Variants in CALCR observed in about 807,000 individuals in gnomAD.
CALCR encodes the protein calcitonin receptor.
CALCR carries 47 observed loss-of-function variants against 59.5 expected under a neutral mutation model. The ratio of observed to expected loss-of-function variants is 0.79; its 90% CI spans 0.63 to 1.01. The LOEUF is 1.01. CALCR is among the 50% of genes least tolerant of loss of function. The pLI, the probability that CALCR is intolerant of heterozygous loss-of-function variation, is 0.00. For missense variants in CALCR, 566 were observed against 597.1 expected (o/e 0.95, Z 0.54); for synonymous variants, 213 against 211.3 (o/e 1.01, Z -0.07).
intron 13 of CALCR, among the ~76,000 whole-genome samples, chr7:93,428,348 AAGCCACAGTACCAAGCAG>A (rs751703746): frequency 2.0e-5 from 3 of 152,224 alleles, no homozygotes; most frequent in Non-Finnish European, 2.9e-5. Flanking sequence ...GAATGTGGCA[AAGCCACAGTACCAAGCAG>A]AGCCTGGCTT....
intron 2 of CALCR, among the ~76,000 whole-genome samples, chr7:93,532,410 G>C (rs938802534): frequency 1.3e-5 from 2 of 152,042 alleles, no homozygotes; most frequent in African/African-American, 2.4e-5. Flanking sequence ...GCTGATGTTT[G>C]CTGCTCCTCT....
chr7:93,461,082 T>C lies in CALCR; in HGVS notation c.522-135A>G, dbSNP rs1800326440. 3 of 676,592 alleles carry C rather than the reference T, an allele frequency of 4.4e-6. No individual in the cohort carries two copies. The Admixed American group carries it at 1.1e-4, about 24-fold the overall frequency. 41.9% of individuals were successfully genotyped at this position (676,592 alleles called of 1,614,324 possible). A position where few individuals can be genotyped will look rare whatever the true frequency, so the allele number is the denominator to read the frequency against. On this transcript the variant is annotated intron_variant, in intron 7 of 13. Transcript: ENST00000426151. ...AACATATAGAAGAAAGTAAGGCTGG[T>C]CTCCTCTTTCAGATTTATTCCTACT...
At chr7:93,511,708 A>G (rs1801551312) in intron 2 of CALCR, among the ~76,000 whole-genome samples, 1 of 152,194 alleles carries the variant, frequency 6.6e-6, no homozygotes, top group South Asian at 2.1e-4. Flanking sequence ...GTTACAGAAA[A>G]TGATGAATAC....
intron 2 of CALCR, among the ~76,000 whole-genome samples, chr7:93,534,218 AG>A (rs1788925342): frequency 6.6e-6 from 1 of 151,828 alleles, no homozygotes; most frequent in Admixed American, 6.6e-5. Context: ...AATAGCCCTA[AG>A]AAGTATGTAT....
chr7:93,548,366 C>T lies in CALCR; in HGVS notation c.-27+25923G>A, dbSNP rs570929561. ...TGTGCAAGTCTGGTGGTTTCCAGTT[C>T]TTTGCTTTCAACAACATTGTAGGAG... is the stretch of plus-strand genomic sequence containing the variant. On this transcript the variant is annotated intron_variant, in intron 2 of 13. Coordinates refer to ENST00000426151, the MANE Select transcript of CALCR (RefSeq NM_001742.4). Among the ~76,000 whole-genome samples the T allele has an allele frequency of 6.3e-4, 96 of 152,228 alleles. No homozygotes were observed. In the South Asian group the frequency reaches 9.5e-3, roughly 15 times the overall value.
At chr7:93,473,136 G>A (rs972271525) in intron 5 of CALCR, among the ~76,000 whole-genome samples, 7 of 151,838 alleles carry the variant, frequency 4.6e-5, no homozygotes, top group Non-Finnish European at 1.0e-4. Context: ...AGCCTTTAAT[G>A]TTGACTTTTT....
intron 11 of CALCR, 116 bp from the exon 12 acceptor site, chr7:93,436,286 TGA>T (rs1799776971): frequency 1.2e-6 from 1 of 806,200 alleles, no homozygotes; most frequent in South Asian, 1.7e-5. Context: ...ACATAGAACA[TGA>T]GAGTCTACCT....
chr7:93,426,227 C>T lies in CALCR; in HGVS notation c.*129G>A. 3.1e-6 allele frequency: 2 copies of T among 643,260 alleles called. No homozygotes were observed. Among genetic ancestry groups the T allele is most frequent in the Admixed American group, 5.2e-5 (2 of 38,664 alleles). The allele number at this position is 643,260 out of a possible 1,614,324, so 39.8% of individuals were successfully genotyped here. A position where few individuals can be genotyped will look rare whatever the true frequency, so the allele number is the denominator to read the frequency against. On this transcript the variant is annotated 3_prime_UTR_variant, in exon 14 of 14. Transcript: ENST00000426151. ...TAACTTTCTTCAGATTTACAATGGA[C>T]AAATTCACTGAATAATTCTTCACAA...
At chr7:93,487,200 T>C (rs1800965457) in intron 2 of CALCR, among the ~76,000 whole-genome samples, 193 bp from the exon 3 acceptor site, 1 of 151,328 alleles carries the variant, frequency 6.6e-6, no homozygotes, top group African/African-American at 2.4e-5. Flanking sequence ...TCCTGTCAAC[T>C]AGATTGTTAT....
chr7:93,555,250 T>C (rs1789567713), intron 2 of CALCR, among the ~76,000 whole-genome samples: 1 of 152,076 alleles, frequency 6.6e-6, no homozygotes, highest in South Asian at 2.1e-4. Context: ...CAGGGTTTGA[T>C]AGTTGGAAGG....
intron 2 of CALCR, among the ~76,000 whole-genome samples, chr7:93,499,940 T>C (rs1801287328): frequency 6.6e-6 from 1 of 151,918 alleles, no homozygotes; most frequent in African/African-American, 2.4e-5. Flanking sequence ...CAAAATATCA[T>C]CTTGTCCTTA....
At position 93,426,087 on chromosome 7, in the gene CALCR, C is replaced by T. The variant is rs1799520009; in HGVS notation, c.*269G>A. On this transcript the variant is annotated 3_prime_UTR_variant, in exon 14 of 14. Coordinates refer to ENST00000426151, the MANE Select transcript of CALCR (RefSeq NM_001742.4). ...TCAATTTCATTGTTTTTCTTTGATACTTTGCTTGCATTACTGTGACATTTG... is the reference window on the plus strand; with the variant it reads ...TCAATTTCATTGTTTTTCTTTGATATTTTGCTTGCATTACTGTGACATTTG... The T allele has an allele frequency of 2.9e-6, 1 of 344,494 alleles. No individual in the cohort carries two copies. Among genetic ancestry groups the T allele is most frequent in the African/African-American group, 2.1e-5 (1 of 47,950 alleles). 21.3% of individuals were successfully genotyped at this position (344,494 alleles called of 1,614,324 possible). A position where few individuals can be genotyped will look rare whatever the true frequency, so the allele number is the denominator to read the frequency against.
At chr7:93,534,189 A>T (rs1448034343) in intron 2 of CALCR, among the ~76,000 whole-genome samples, 1 of 151,892 alleles carries the variant, frequency 6.6e-6, no homozygotes, top group Non-Finnish European at 1.5e-5. Context: ...CAACGATTAC[A>T]TAACAGTCTA....
chr7:93,543,039 G>A (rs941803874), intron 2 of CALCR, among the ~76,000 whole-genome samples: 1 of 151,970 alleles, frequency 6.6e-6, no homozygotes, highest in African/African-American at 2.4e-5. Flanking sequence ...ACATAAACCA[G>A]TAACATATTC....
chr7:93,463,316 A>T (rs1186515432), intron 7 of CALCR, among the ~76,000 whole-genome samples: 11 of 151,946 alleles, frequency 7.2e-5, no homozygotes, highest in East Asian at 1.9e-4. Context: ...AAATATATAT[A>T]TTTTTCATTG....
chr7:93,516,016 ATT>A (rs1469676361), intron 2 of CALCR, among the ~76,000 whole-genome samples: 3 of 151,814 alleles, frequency 2.0e-5, no homozygotes, highest in African/African-American at 7.3e-5. Flanking sequence ...ACTGAATTTT[ATT>A]TTCTTTTTAA....
rs140295854 is a variant in CALCR at position 93,559,028 on chromosome 7, G to T, written c.-27+15261C>A. Among the ~76,000 whole-genome samples, 291 of 152,182 alleles carry T rather than the reference G, an allele frequency of 1.9e-3. 2 individuals are homozygous for T. Among genetic ancestry groups the T allele is most frequent in the African/African-American group, 6.8e-3 (283 of 41,526 alleles). ...TGCAGCAAGGAGAGCAGTGTGTTGG[G>T]ATGACATGGGAGGTTTAAAAATCTG... is the stretch of plus-strand genomic sequence containing the variant. On this transcript the variant is annotated intron_variant, in intron 2 of 13. Transcript: ENST00000426151.
intron 3 of CALCR, among the ~76,000 whole-genome samples, chr7:93,485,707 T>C (rs1257251303): frequency 6.6e-6 from 1 of 151,604 alleles, no homozygotes; most frequent in Non-Finnish European, 1.5e-5. Flanking sequence ...TCTTGTTTAG[T>C]GTTTTTATTA....
At chr7:93,489,573 A>G (rs188870062) in intron 2 of CALCR, among the ~76,000 whole-genome samples, 10 of 152,030 alleles carry the variant, frequency 6.6e-5, no homozygotes, top group African/African-American at 2.4e-4. Flanking sequence ...ATAAAATATG[A>G]AAAAGGGGGT....
Sources: allele counts gnomAD v4.1 joint callset (sites outside exome capture counted in the v4.1 genomes callset), GRCh38; gene constraint gnomAD v4.1.1; transcripts MANE v1.5; gene names NCBI Gene and HGNC (gene_info 2026-07-23, HGNC 2026-07-21).